The following SLC9A2 variants were observed in gnomAD, a reference collection of about 807,000 sequenced individuals.
SLC9A2 encodes sodium/hydrogen exchanger 2.
In SLC9A2, 42 loss-of-function variants were observed where a neutral mutation model predicts 71.7. That is an observed-to-expected ratio of 0.59 (90% confidence interval 0.46 to 0.76). The LOEUF is 0.76. Ranked by LOEUF, SLC9A2 falls within the 30% of genes least tolerant of loss-of-function variation. SLC9A2 has a pLI of 0.00. For synonymous variants in SLC9A2, 396 were observed against 392.5 expected (o/e 1.01, Z -0.10); for missense variants, 829 against 1,017.4 (o/e 0.81, Z 2.52).
chr2:102,691,352 A>G lies in SLC9A2; in HGVS notation c.1426-3062A>G, dbSNP rs1195726281. 2.0e-5 allele frequency among the ~76,000 whole-genome samples: 3 copies of G among 152,248 alleles called. No individual in the cohort carries two copies. The East Asian group carries it at 5.8e-4, about 29-fold the overall frequency. On this transcript the variant is annotated intron_variant, in intron 5 of 11. Transcript: ENST00000233969. ...TGATTTTTCTAAGCCTTATCGGGTT[A>G]CTCCCTGGGTGATCTAAATTAGAAA...
At chr2:102,708,010 C>A in intron 11 of SLC9A2, 109 bp from the exon 12 acceptor site, 1 of 1,217,320 alleles carries the variant, frequency 8.2e-7, no homozygotes, top group Non-Finnish European at 1.2e-6. Context: ...CCTCCCCTCT[C>A]CCCAGAGCCC....
intron 1 of SLC9A2, among the ~76,000 whole-genome samples, chr2:102,630,566 A>G (rs1372871954): frequency 6.6e-6 from 1 of 151,904 alleles, no homozygotes; most frequent in Non-Finnish European, 1.5e-5. Context: ...AGAACTTGTT[A>G]TACTTCCATG....
Position 102,683,414 on chromosome 2 carries a change from C to T in SLC9A2, c.1158C>T (p.Asn386=), listed in dbSNP as rs1677492259. The change falls in exon 4 of 12, where the codon AAC becomes AAT. Residue 386 remains asparagine (N), a synonymous_variant. Coordinates refer to ENST00000233969, the MANE Select transcript of SLC9A2 (RefSeq NM_003048.6). ...IFMGVSTVGK[N]HEWNWAFVCF... ...TGGGTGTGTCTACCGTGGGCAAGAA[C>T]CACGAGTGGAACTGGGCCTTCGTCT... is the stretch of plus-strand genomic sequence containing the variant. 1 of 1,614,130 alleles carries T rather than the reference C, an allele frequency of 6.2e-7. No homozygotes were observed. The highest frequency in any genetic ancestry group is 1.3e-5 in the African/African-American group (1 of 74,958).
chr2:102,628,976 C>G (rs975263181), intron 1 of SLC9A2, among the ~76,000 whole-genome samples: 1 of 151,912 alleles, frequency 6.6e-6, no homozygotes, highest in African/African-American at 2.4e-5. Context: ...TCCATTTATA[C>G]TTGAAAAAAC....
At position 102,674,028 on chromosome 2, in the gene SLC9A2, A is replaced by G. The variant is rs139486019; in HGVS notation, c.1004+8678A>G. 1.8e-3 allele frequency among the ~76,000 whole-genome samples: 275 copies of G among 152,294 alleles called. 3 individuals carry two copies. The highest frequency in any genetic ancestry group is 6.4e-3 in the African/African-American group (267 of 41,550). On this transcript the variant is annotated intron_variant, in intron 3 of 11. Transcript: ENST00000233969. ...GGTCTCGAACTCCTGACCTTGGGTG[A>G]TCCACCTGCCCTGGCTTCCCAAAGT...
chr2:102,688,292 C>T (rs1468789688), intron 5 of SLC9A2, among the ~76,000 whole-genome samples: 1 of 152,116 alleles, frequency 6.6e-6, no homozygotes, highest in Non-Finnish European at 1.5e-5. Flanking sequence ...CTGCTTTTTG[C>T]AGCCTCTGTG....
At chr2:102,689,432 C>A (rs1413547015) in intron 5 of SLC9A2, among the ~76,000 whole-genome samples, 1 of 152,136 alleles carries the variant, frequency 6.6e-6, no homozygotes, top group African/African-American at 2.4e-5. Context: ...GGGGTAGCCT[C>A]TCCCAGCAAT....
chr2:102,683,794 C>T (rs1275505652), intron 4 of SLC9A2, among the ~76,000 whole-genome samples: 1 of 152,092 alleles, frequency 6.6e-6, no homozygotes. Context: ...TCTTCCTCTT[C>T]CCCTTTCCTT....
intron 1 of SLC9A2, among the ~76,000 whole-genome samples, chr2:102,637,546 A>G (rs1293128819): frequency 6.6e-6 from 1 of 152,162 alleles, no homozygotes; most frequent in Non-Finnish European, 1.5e-5. Context: ...TCCTGCGCCC[A>G]ACCCTGGCTT....
rs1677506760 is a variant in SLC9A2 at position 102,684,192 on chromosome 2, G to C, written c.1281G>C (p.Lys427Asn). The C allele has an allele frequency of 1.2e-6, 2 of 1,614,104 alleles. No homozygotes were observed. The highest frequency in any genetic ancestry group is 1.7e-6 in the Non-Finnish European group (2 of 1,179,972). The change falls in exon 5 of 12, where the codon AAG (lysine) becomes AAC (asparagine). Residue 427 changes from lysine (K) to asparagine (N), a missense_variant. Lys to Asn is a moderately conservative substitution (Grantham distance 94, BLOSUM62 0). Around this residue, in one of 3 missense-constraint regions of SLC9A2, gnomAD observed 500 missense variants for 726.3 expected, o/e 0.69. Transcript: ENST00000233969. ...NRFRTIPLTF[K>N]DQFIIAYGGL... ...TCCGGACCATTCCCCTGACCTTTAA[G>C]GACCAGTTCATCATTGCCTATGGAG...
chr2:102,641,953 T>C (rs1310625315), intron 1 of SLC9A2, among the ~76,000 whole-genome samples: 3 of 151,684 alleles, frequency 2.0e-5, no homozygotes, highest in African/African-American at 7.3e-5. Flanking sequence ...ATGTAAACGA[T>C]GAGTTGGTGG....
intron 5 of SLC9A2, among the ~76,000 whole-genome samples, chr2:102,690,883 A>C (rs1677645935): frequency 6.6e-6 from 1 of 152,046 alleles, no homozygotes; most frequent in African/African-American, 2.4e-5. Context: ...ATCAGCAAGG[A>C]AATATAAGTT....
intron 1 of SLC9A2, among the ~76,000 whole-genome samples, chr2:102,632,127 T>TATAC (rs1676380340): frequency 9.2e-6 from 1 of 109,270 alleles, no homozygotes; most frequent in Non-Finnish European, 1.7e-5. Context: ...TATACATATA[T>TATAC]ACATATATAT....
chr2:102,708,026 C>A (rs1678015098), intron 11 of SLC9A2, 93 bp from the exon 12 acceptor site: 3 of 1,341,144 alleles, frequency 2.2e-6, no homozygotes, highest in Non-Finnish European at 2.1e-6. Flanking sequence ...AGCCCCAGGA[C>A]GTATCAGTTG....
chr2:102,625,338 A>G (rs1193444683), intron 1 of SLC9A2, among the ~76,000 whole-genome samples: 1 of 152,210 alleles, frequency 6.6e-6, no homozygotes, highest in African/African-American at 2.4e-5. Flanking sequence ...TTTTAAAATT[A>G]TACTTAAGTT....
chr2:102,687,213 G>C (rs1677563290), intron 5 of SLC9A2, among the ~76,000 whole-genome samples: 1 of 152,060 alleles, frequency 6.6e-6, no homozygotes, highest in Non-Finnish European at 1.5e-5. Flanking sequence ...CATATTGCTT[G>C]GTTCCATGAC....
chr2:102,685,083 G>T (rs924310931), intron 5 of SLC9A2, among the ~76,000 whole-genome samples: 2 of 152,204 alleles, frequency 1.3e-5, no homozygotes, highest in Non-Finnish European at 2.9e-5. Context: ...AGTCGTGGGG[G>T]AAATGTTACA....
At chr2:102,664,027 G>A (rs907871266) in intron 2 of SLC9A2, among the ~76,000 whole-genome samples, 2 of 152,100 alleles carry the variant, frequency 1.3e-5, no homozygotes, top group Admixed American at 6.5e-5. Context: ...TGTAATCCTA[G>A]CATTTTGGGA....
chr2:102,658,835 T>C (rs1676996656), intron 2 of SLC9A2, among the ~76,000 whole-genome samples: 1 of 152,062 alleles, frequency 6.6e-6, no homozygotes. Context: ...TGTCCACCAG[T>C]TAAAGACACT....
Sources: allele counts gnomAD v4.1 joint callset (sites outside exome capture counted in the v4.1 genomes callset), GRCh38; gene constraint gnomAD v4.1.1; regional missense constraint gnomAD v4.1.1; transcripts MANE v1.5; gene names NCBI Gene and HGNC (gene_info 2026-07-23, HGNC 2026-07-21).